The following LYPD6 variants were observed in gnomAD, a reference collection of about 807,000 sequenced individuals.
The protein encoded by LYPD6 is LY6/PLAUR domain containing 6.
In LYPD6, 15 loss-of-function variants were observed where a neutral mutation model predicts 22.7. That is an observed-to-expected ratio of 0.66 (90% CI 0.44 to 1.02). The LOEUF is 1.02. Among genes scored for constraint, LYPD6 ranks in the 50% least tolerant of loss-of-function variants. The pLI is 0.00. For missense variants in LYPD6, 189 were observed against 208.4 expected (o/e 0.91, Z 0.57); for synonymous variants, 72 against 77.5 (o/e 0.93, Z 0.37).
chr2:149,412,583 G>T (rs375767998), intron 1 of LYPD6, among the ~76,000 whole-genome samples: 1 of 152,206 alleles, frequency 6.6e-6, no homozygotes, highest in Admixed American at 6.5e-5. Context: ...AATCAGTCAG[G>T]TGTAGGCTGT....
chr2:149,406,233 G>T (rs1050975373), intron 1 of LYPD6, among the ~76,000 whole-genome samples: 1 of 151,928 alleles, frequency 6.6e-6, no homozygotes, highest in Non-Finnish European at 1.5e-5. Context: ...GGAGAGTTCT[G>T]TAGATGTCTA....
intron 3 of LYPD6, among the ~76,000 whole-genome samples, chr2:149,459,565 T>C (rs913478478): frequency 2.1e-4 from 32 of 152,370 alleles, no homozygotes; most frequent in East Asian, 5.8e-4. Context: ...CTTATAATGC[T>C]GTCTGATGTG....
chr2:149,367,021 G>C (rs1203017045), intron 1 of LYPD6, among the ~76,000 whole-genome samples: 3 of 151,934 alleles, frequency 2.0e-5, no homozygotes, highest in Non-Finnish European at 2.9e-5. Context: ...TGTAACTGCT[G>C]AAAAACAAAA....
At chr2:149,337,051 C>A (rs992722980) in intron 1 of LYPD6, among the ~76,000 whole-genome samples, 1 of 151,828 alleles carries the variant, frequency 6.6e-6, no homozygotes, top group Admixed American at 6.6e-5. Context: ...ATGGATTTTA[C>A]ATTCAAATCC....
At chr2:149,367,458 G>A (rs1033237926) in intron 1 of LYPD6, among the ~76,000 whole-genome samples, 1 of 152,100 alleles carries the variant, frequency 6.6e-6, no homozygotes, top group Non-Finnish European at 1.5e-5. Context: ...TATTCTGTTG[G>A]TTAGAGAGTC....
intron 1 of LYPD6, among the ~76,000 whole-genome samples, chr2:149,392,706 C>A (rs1186464556): frequency 6.6e-6 from 1 of 152,148 alleles, no homozygotes; most frequent in East Asian, 1.9e-4. Context: ...TGAGAGGATA[C>A]TGCTTTATGT....
intron 1 of LYPD6, among the ~76,000 whole-genome samples, chr2:149,368,504 G>A (rs530759734): frequency 1.3e-5 from 2 of 152,252 alleles, no homozygotes; most frequent in South Asian, 4.1e-4. Flanking sequence ...CTGCACTCCA[G>A]CCTGGGTGAC....
chr2:149,472,731 A>G lies in LYPD6; in HGVS notation c.*1881A>G, dbSNP rs1430126629. 6 of 152,644 alleles carry G rather than the reference A, an allele frequency of 3.9e-5. No homozygotes were observed. Among genetic ancestry groups the G allele is most frequent in the Admixed American group, 2.6e-4 (4 of 15,274 alleles). The allele number at this position is 152,644 out of a possible 1,614,324, so 9.5% of individuals were successfully genotyped here. ...TAGGATTAATCCCTGCAAGAATCCT[A>G]TAAAGAATGTTACTAGCATTTACAC... On this transcript the variant is annotated 3_prime_UTR_variant, in exon 5 of 5. Coordinates refer to ENST00000334166, the MANE Select transcript of LYPD6 (RefSeq NM_194317.5).
At chr2:149,449,258 C>G in intron 3 of LYPD6, 111 bp downstream of exon 3, 1 of 652,380 alleles carries the variant, frequency 1.5e-6, no homozygotes, top group South Asian at 2.0e-5. Flanking sequence ...AGCTGCTCCT[C>G]TTGTCTAAGG....
intron 1 of LYPD6, among the ~76,000 whole-genome samples, chr2:149,377,957 G>A (rs1681967552): frequency 6.6e-6 from 1 of 152,016 alleles, no homozygotes; most frequent in Non-Finnish European, 1.5e-5. Context: ...CATGAGGTCA[G>A]GCCCTGGGGA....
intron 1 of LYPD6, among the ~76,000 whole-genome samples, chr2:149,378,476 A>G (rs1473222865): frequency 6.6e-6 from 1 of 152,326 alleles, no homozygotes; most frequent in Middle Eastern, 3.4e-3. Flanking sequence ...CCTGTTTTTA[A>G]GTAGTCAGTT....
Position 149,449,084 on chromosome 2 carries a change from T to C in LYPD6, c.154T>C (p.Cys52Arg). 1.2e-6 allele frequency: 2 copies of C among 1,613,610 alleles called. No homozygotes were observed. The highest frequency in any genetic ancestry group is 1.7e-6 in the Non-Finnish European group (2 of 1,179,728). The change falls in exon 3 of 5, where the codon TGT (cysteine) becomes CGT (arginine). Residue 52 changes from cysteine (C) to arginine (R), a missense_variant. By Grantham distance (180) the Cys-to-Arg change is radical. Transcript: ENST00000334166. ...TCCTGGTGGATTTAAATGTTTCACCTGTGAAAAGGCAGCAGACAATTATGA... is the reference window on the plus strand; with the variant it reads ...TCCTGGTGGATTTAAATGTTTCACCCGTGAAAAGGCAGCAGACAATTATGA... Reference protein sequence around the residue: ...PYPGGFKCFTCEKAADNYECN... With the variant: ...PYPGGFKCFTREKAADNYECN...
chr2:149,350,997 C>T (rs1010110869), intron 1 of LYPD6, among the ~76,000 whole-genome samples: 2 of 152,186 alleles, frequency 1.3e-5, no homozygotes, highest in African/African-American at 4.8e-5. Context: ...CCCTCTTGTC[C>T]TTCCCAGAAG....
At position 149,467,650 on chromosome 2, in the gene LYPD6, A is replaced by G. The variant is rs192901274; in HGVS notation, c.218-995A>G. On this transcript the variant is annotated intron_variant, in intron 3 of 4. Transcript: ENST00000334166. ...GTCATAATTCCATATTAGCCACTAA[A>G]TATCTGAAATGTATAAAGCATGCAA... Among the ~76,000 whole-genome samples, 323 of 152,314 alleles carry G rather than the reference A, an allele frequency of 2.1e-3. 4 individuals carry two copies. Among genetic ancestry groups the G allele is most frequent in the African/African-American group, 7.4e-3 (307 of 41,566 alleles).
chr2:149,437,210 C>T (rs1008910420), intron 1 of LYPD6, among the ~76,000 whole-genome samples: 1 of 152,070 alleles, frequency 6.6e-6, no homozygotes, highest in Non-Finnish European at 1.5e-5. Context: ...GAAAGTCTGC[C>T]CTGTACAGGT....
At chr2:149,337,424 C>A (rs1456899029) in intron 1 of LYPD6, among the ~76,000 whole-genome samples, 1 of 152,052 alleles carries the variant, frequency 6.6e-6, no homozygotes, top group Non-Finnish European at 1.5e-5. Flanking sequence ...CATCTGGGAT[C>A]CTCTGGCTTA....
At chr2:149,424,564 G>T (rs890619492) in intron 1 of LYPD6, among the ~76,000 whole-genome samples, 1 of 152,156 alleles carries the variant, frequency 6.6e-6, no homozygotes, top group African/African-American at 2.4e-5. Context: ...ACCTTAGATA[G>T]GTAGAGGCCA....
chr2:149,406,615 C>T (rs1336315880), intron 1 of LYPD6, among the ~76,000 whole-genome samples: 1 of 152,288 alleles, frequency 6.6e-6, no homozygotes, highest in East Asian at 1.9e-4. Flanking sequence ...TTATTTTGAG[C>T]CTATGTGTGT....
At chr2:149,346,604 T>C (rs1199866810) in intron 1 of LYPD6, among the ~76,000 whole-genome samples, 3 of 152,252 alleles carry the variant, frequency 2.0e-5, no homozygotes, top group African/African-American at 4.8e-5. Context: ...TAATTGTTGA[T>C]GTTTTATAGG....
Sources: gnomAD v4.1 joint callset for allele counts (sites outside exome capture counted in the v4.1 genomes callset) on GRCh38, gnomAD v4.1.1 for gene constraint, MANE v1.5 for transcripts, NCBI Gene and HGNC (gene_info 2026-07-23, HGNC 2026-07-21) for gene names.